RARS2: variants seen among roughly 807,000 people sequenced by gnomAD.
The protein encoded by RARS2 is probable arginine--tRNA ligase, mitochondrial.
A neutral mutation model predicts 88.5 loss-of-function variants in RARS2; 67 were observed. The ratio of observed to expected loss-of-function variants is 0.76; its 90% CI spans 0.62 to 0.93. The LOEUF (loss-of-function observed/expected upper bound fraction) is 0.93. Ranked by LOEUF, RARS2 falls within the 40% of genes least tolerant of loss-of-function variation. RARS2 has a pLI of 0.00. For missense variants in RARS2, 664 were observed against 684.2 expected, an observed-to-expected ratio of 0.97 and a Z score of 0.33; for synonymous variants, 239 against 230.3, an observed-to-expected ratio of 1.04 and a Z score of -0.34.
intron 1 of RARS2, among the ~76,000 whole-genome samples, chr6:87,571,112 C>T (rs951048247): frequency 5.9e-5 from 9 of 152,110 alleles, no homozygotes; most frequent in Admixed American, 4.6e-4. Context: ...AATTATAGCT[C>T]CCATAATCCC....
rs562751470 is a variant in RARS2 at position 87,518,743 on chromosome 6, A to C, written c.1306-4T>G. The C allele has an allele frequency of 6.2e-7, 1 of 1,613,556 alleles. No individual in the cohort carries two copies. The highest frequency in any genetic ancestry group is 2.2e-5 in the East Asian group (1 of 44,878). On this transcript the variant is annotated splice_region_variant and splice_polypyrimidine_tract_variant and intron_variant, in intron 15 of 19. Coordinates refer to ENST00000369536, the MANE Select transcript of RARS2 (RefSeq NM_020320.5). ...ATAAGAGTAAACCTTTGAAGTCCTA[A>C]AACGACAGAGGAAATCTTCACTGCT...
At chr6:87,520,536 A>G (rs1773503250) in intron 12 of RARS2, among the ~76,000 whole-genome samples, 1 of 152,158 alleles carries the variant, frequency 6.6e-6, no homozygotes, top group South Asian at 2.1e-4. Flanking sequence ...CTCGGCTATT[A>G]TGACCCTGGT....
chr6:87,519,892 C>T (rs544690386), intron 13 of RARS2, among the ~76,000 whole-genome samples, 185 bp from the exon 14 acceptor site: 2 of 152,242 alleles, frequency 1.3e-5, no homozygotes, highest in South Asian at 2.1e-4. Flanking sequence ...TTTATAATCA[C>T]CAGCATGTGA....
In RARS2 at chr6:87,541,173, G is replaced by GT. The variant is rs572738586; in HGVS notation, c.612+744dup. On this transcript the variant is annotated intron_variant, in intron 8 of 19. Coordinates refer to ENST00000369536, the MANE Select transcript of RARS2 (RefSeq NM_020320.5). ...AAATAAAAATAACCTAGTAAAATAA[G>GT]TGCAACATTTTCTTTCTTTCTGAGA... 2.5e-3 allele frequency among the ~76,000 whole-genome samples: 378 copies of GT among 152,236 alleles called. 2 individuals carry two copies. The highest frequency in any genetic ancestry group is 8.8e-3 in the African/African-American group (364 of 41,554).
intron 7 of RARS2, 126 bp downstream of exon 7, chr6:87,545,485 GAAAAA>G: frequency 9.2e-6 from 9 of 979,984 alleles, no homozygotes; most frequent in South Asian, 1.8e-5. Flanking sequence ...AGCCATTAGG[GAAAAA>G]AAAAAAAAAA....
intron 10 of RARS2, among the ~76,000 whole-genome samples, chr6:87,528,024 G>A (rs912211312): frequency 1.4e-5 from 2 of 147,354 alleles, no homozygotes; most frequent in African/African-American, 2.5e-5. Context: ...ATTAACCTAC[G>A]TAACAAATCT....
At chr6:87,568,066 C>T (rs866621592) in intron 2 of RARS2, among the ~76,000 whole-genome samples, 12 of 152,134 alleles carry the variant, frequency 7.9e-5, no homozygotes, top group Non-Finnish European at 1.5e-5. Flanking sequence ...CCACCGTGCC[C>T]GGCCCCAATA....
At chr6:87,559,645 C>T (rs180925660) in intron 4 of RARS2, among the ~76,000 whole-genome samples, 1 of 152,058 alleles carries the variant, frequency 6.6e-6, no homozygotes, top group Admixed American at 6.5e-5. Flanking sequence ...GCGTGAGCCA[C>T]CATGTCCAGG....
At chr6:87,524,019 T>C (rs568138049) in intron 11 of RARS2, among the ~76,000 whole-genome samples, 1 of 152,152 alleles carries the variant, frequency 6.6e-6, no homozygotes, top group African/African-American at 2.4e-5. Flanking sequence ...TTGGAACAAA[T>C]TATGGTAGTT....
At chr6:87,569,025 G>T (rs1768815075) in intron 2 of RARS2, among the ~76,000 whole-genome samples, 1 of 152,184 alleles carries the variant, frequency 6.6e-6, no homozygotes, top group African/African-American at 2.4e-5. Context: ...ACTATTAGTT[G>T]TGTGTAGTCC....
chr6:87,530,701 C>T, intron 9 of RARS2, 83 bp downstream of exon 9: 2 of 1,540,256 alleles, frequency 1.3e-6, no homozygotes, highest in African/African-American at 1.4e-5. Flanking sequence ...AAAACACAAG[C>T]TTAACACGCA....
intron 14 of RARS2, chr6:87,519,208 G>GTGTGTGTGTGTATATATATATA (rs1210109506): frequency 1.5e-4 from 39 of 257,712 alleles, no homozygotes; most frequent in Admixed American, 2.1e-4. Flanking sequence ...GTGTGTGTGT[G>GTGTGTGTGTGTATATATATATA]TATATATATA....
intron 1 of RARS2, among the ~76,000 whole-genome samples, chr6:87,579,242 G>A (rs1323093329): frequency 3.3e-5 from 5 of 152,020 alleles, no homozygotes; most frequent in South Asian, 2.1e-4. Flanking sequence ...AATGACCACC[G>A]GAAATCTTCA....
In RARS2 at chr6:87,579,662, A is replaced by AAG. The variant is rs369625550; in HGVS notation, c.37-10074_37-10073dup. ...TCAAATGGGTGCAGCATAAAAAAAA[A>AAG]AGAGAGAGAGAGAGAAAATAAAACA... On this transcript the variant is annotated intron_variant, in intron 1 of 19. Coordinates refer to ENST00000369536, the MANE Select transcript of RARS2 (RefSeq NM_020320.5). 3.7e-3 allele frequency among the ~76,000 whole-genome samples: 551 copies of AAG among 150,918 alleles called. 4 individuals are homozygous for AAG. The highest frequency in any genetic ancestry group is 0.013 in the African/African-American group (523 of 41,062).
intron 14 of RARS2, 96 bp from the exon 15 acceptor site, chr6:87,518,987 A>C: frequency 8.6e-7 from 1 of 1,159,596 alleles, no homozygotes; most frequent in Non-Finnish European, 1.3e-6. Flanking sequence ...GTATGCTGAC[A>C]ATCAAGAACA....
At chr6:87,573,672 G>A (rs148815912) in intron 1 of RARS2, among the ~76,000 whole-genome samples, 1 of 152,054 alleles carries the variant, frequency 6.6e-6, no homozygotes, top group Non-Finnish European at 1.5e-5. Context: ...TACGTTATGT[G>A]TATTTTTTCA....
In RARS2 at chr6:87,514,162, T is replaced by C. The variant is rs1770754388; in HGVS notation, c.*251A>G. Among the ~76,000 whole-genome samples, 1 of 151,918 alleles carries C rather than the reference T, an allele frequency of 6.6e-6. No individual in the cohort carries two copies. ...CCCTGTCTCTACTAAAAATACAAAA[T>C]TAGCCTGGCGTGATGGCACGTGCCT... On this transcript the variant is annotated 3_prime_UTR_variant, in exon 20 of 20. Coordinates refer to ENST00000369536, the MANE Select transcript of RARS2 (RefSeq NM_020320.5).
intron 2 of RARS2, among the ~76,000 whole-genome samples, chr6:87,567,305 A>T (rs1768230491): frequency 6.6e-6 from 1 of 152,234 alleles, no homozygotes; most frequent in South Asian, 2.1e-4. Context: ...TGATGGGCAC[A>T]CACAGGGTTC....
rs145189950 is a variant in RARS2 at position 87,524,643 on chromosome 6, C to T, written c.888G>A (p.Thr296=). The T allele has an allele frequency of 1.1e-4, 174 of 1,610,332 alleles. No homozygotes were observed. Among genetic ancestry groups the T allele is most frequent in the South Asian group, 3.5e-4 (32 of 90,996 alleles). ...KGLLLKTIKG[T]AVVDLSGNGD... ...CATTCCCAGAGAGATCTACTACAGC[C>T]GTTCCTTTTCTAGAAATTCGAAAAG... The change falls in exon 11 of 20, where the codon ACG becomes ACA. Residue 296 remains threonine, a synonymous_variant. Coordinates refer to ENST00000369536, the MANE Select transcript of RARS2 (RefSeq NM_020320.5).
Sources: allele counts gnomAD v4.1 joint callset (sites outside exome capture counted in the v4.1 genomes callset), GRCh38; gene constraint gnomAD v4.1.1; transcripts MANE v1.5; gene names NCBI Gene and HGNC (gene_info 2026-07-23, HGNC 2026-07-21).